Variants in C17orf78 observed in about 807,000 individuals in gnomAD.
C17orf78 encodes chromosome 17 open reading frame 78.
A neutral mutation model predicts 31.8 loss-of-function variants in C17orf78; 27 were observed. That is an observed-to-expected ratio of 0.85 (90% CI 0.63 to 1.17). The LOEUF (loss-of-function observed/expected upper bound fraction) is 1.17. Ranked by LOEUF, C17orf78 falls within the 50% of genes most tolerant of loss-of-function variation. The pLI, the probability that C17orf78 is intolerant of heterozygous loss-of-function variation, is 0.00. For missense variants in C17orf78, 258 were observed against 315.2 expected, an observed-to-expected ratio of 0.82 and a Z score of 1.37; for synonymous variants, 106 against 115.1, an observed-to-expected ratio of 0.92 and a Z score of 0.51.
At chr17:37,376,779 A>G (rs1359905425) in intron 1 of C17orf78, among the ~76,000 whole-genome samples, 1 of 152,090 alleles carries the variant, frequency 6.6e-6, no homozygotes, top group African/African-American at 2.4e-5. Context: ...ACATGGCGAA[A>G]CCCCATCTCT....
chr17:37,378,071 T>C, intron 2 of C17orf78, 106 bp downstream of exon 2: 3 of 1,053,658 alleles, frequency 2.8e-6, no homozygotes, highest in Non-Finnish European at 4.3e-6. Flanking sequence ...TCAAATATCC[T>C]ATTTTAAGGA....
rs536254921 is a variant in C17orf78, at chr17:37,392,028, A to G, written c.*304A>G. 3 of 323,254 alleles carry G rather than the reference A, an allele frequency of 9.3e-6. No homozygotes were observed. Among genetic ancestry groups the G allele is most frequent in the East Asian group, 1.0e-4 (2 of 19,852 alleles). The allele number at this position is 323,254 out of a possible 1,614,324, so 20.0% of individuals were successfully genotyped here. On this transcript the variant is annotated 3_prime_UTR_variant, in exon 7 of 7. Transcript: ENST00000615133. ...AATGGACCTTACTACTCTCTTTGAC[A>G]GAAGACTCAAACACAGCCTCTAAGA...
chr17:37,379,931 A>G (rs1202898819), intron 3 of C17orf78, among the ~76,000 whole-genome samples: 4 of 148,970 alleles, frequency 2.7e-5, no homozygotes, highest in Non-Finnish European at 4.4e-5. Context: ...CTGGGTATAT[A>G]CCCAAAGGAC....
intron 3 of C17orf78, among the ~76,000 whole-genome samples, chr17:37,381,259 C>G (rs1313375865): frequency 1.3e-5 from 2 of 152,018 alleles, no homozygotes; most frequent in African/African-American, 4.8e-5. Flanking sequence ...GATCTCGTCT[C>G]ACTGCAACCT....
intron 6 of C17orf78, among the ~76,000 whole-genome samples, chr17:37,390,282 T>C (rs4357989): frequency 0.047 from 2,372 of 50,698 alleles, 202 homozygotes; most frequent in East Asian, 0.23. Context: ...ATATATTATA[T>C]ATAATTATAT....
intron 5 of C17orf78, 65 bp downstream of exon 5, chr17:37,388,859 C>T: frequency 6.4e-7 from 1 of 1,570,538 alleles, no homozygotes; most frequent in African/African-American, 1.3e-5. Flanking sequence ...GTTCCAGAGG[C>T]AGCTTGGCAT....
intron 1 of C17orf78, 146 bp downstream of exon 1, chr17:37,376,296 A>T: frequency 1.6e-6 from 1 of 643,992 alleles, no homozygotes; most frequent in Non-Finnish European, 2.7e-6. Context: ...ACTCGCCTCT[A>T]AGAAGGACTG....
intron 3 of C17orf78, among the ~76,000 whole-genome samples, chr17:37,381,828 C>CCT (rs1313276370): frequency 6.6e-6 from 1 of 151,598 alleles, no homozygotes; most frequent in Non-Finnish European, 1.5e-5. Flanking sequence ...GGGGTTTCAC[C>CCT]GTGTTGGCCA....
rs1174863273 is a variant in C17orf78 at position 37,376,108 on chromosome 17, G to A, written c.16G>A (p.Val6Ile). The change falls in exon 1 of 7, where the codon GTC (valine) becomes ATC (isoleucine). Residue 6 changes from valine (V) to isoleucine (I), a missense_variant. Physicochemically the swap from Val to Ile is conservative, Grantham distance 29. Coordinates refer to ENST00000615133, the MANE Select transcript of C17orf78 (RefSeq NM_173625.5). MDTIL[V>I]FSLIIASYDA... is the part of the protein sequence containing the mutation. ...TCAAGCTAACATGGATACCATCTTG[G>A]TCTTCAGCCTAATCATTGCATCCTA... 8 of 1,613,106 alleles carry A rather than the reference G, an allele frequency of 5.0e-6. No homozygotes were observed. The highest frequency in any genetic ancestry group is 4.0e-5 in the African/African-American group (3 of 75,030).
Position 37,377,863 on chromosome 17 carries a change from C to T in C17orf78, c.59-16C>T. ...ACCTTCCCCGGTTCCCCTCCTCCCC[C>T]TCTGCTCACCCCCAGACCTCAGAGA... On this transcript the variant is annotated splice_polypyrimidine_tract_variant and intron_variant, in intron 1 of 6. Transcript: ENST00000615133. 1 of 1,608,880 alleles carries T rather than the reference C, an allele frequency of 6.2e-7. No individual in the cohort carries two copies. Among genetic ancestry groups the T allele is most frequent in the African/African-American group, 1.3e-5 (1 of 74,792 alleles).
intron 6 of C17orf78, among the ~76,000 whole-genome samples, chr17:37,390,330 A>ATATATATATATATATATATCTATATATC (rs1386032855): frequency 2.6e-4 from 11 of 41,578 alleles, no homozygotes; most frequent in Non-Finnish European, 4.1e-4. Context: ...ATATATATAT[A>ATATATATATATATATATATCTATATATC]TATAAAAGGC....
At chr17:37,377,357 G>T (rs1238534582) in intron 1 of C17orf78, among the ~76,000 whole-genome samples, 1 of 151,954 alleles carries the variant, frequency 6.6e-6, no homozygotes, top group Non-Finnish European at 1.5e-5. Context: ...TATGTATTTG[G>T]CTGGGTGTTC....
At chr17:37,381,774 C>T (rs916180986) in intron 3 of C17orf78, among the ~76,000 whole-genome samples, 16 of 151,770 alleles carry the variant, frequency 1.1e-4, no homozygotes, top group South Asian at 4.2e-4. Context: ...ACTACAGGCA[C>T]TCGCCACCAC....
At chr17:37,376,246 T>G (rs951090784) in intron 1 of C17orf78, 96 bp downstream of exon 1, 2 of 1,032,208 alleles carry the variant, frequency 1.9e-6, no homozygotes, top group African/African-American at 3.1e-5. Context: ...GTAGCTGATA[T>G]CCAGCAAGCA....
intron 6 of C17orf78, among the ~76,000 whole-genome samples, chr17:37,390,271 A>AATT (rs1555672194): frequency 0.052 from 2,595 of 50,206 alleles, 202 homozygotes; most frequent in East Asian, 0.21. Context: ...AATTATATAT[A>AATT]ATATATTATA....
At chr17:37,384,155 T>A (rs1403285739) in intron 3 of C17orf78, among the ~76,000 whole-genome samples, 4 of 152,086 alleles carry the variant, frequency 2.6e-5, no homozygotes. Flanking sequence ...TCCCAGACAG[T>A]CTGCATAGGA....
At chr17:37,378,753 C>A (rs1303815295) in intron 2 of C17orf78, among the ~76,000 whole-genome samples, 1 of 151,750 alleles carries the variant, frequency 6.6e-6, no homozygotes, top group East Asian at 1.9e-4. Flanking sequence ...TGCACTCTAG[C>A]CTGGACCACA....
chr17:37,383,845 T>C (rs879559535), intron 3 of C17orf78, among the ~76,000 whole-genome samples: 6 of 152,110 alleles, frequency 3.9e-5, no homozygotes, highest in Non-Finnish European at 8.8e-5. Flanking sequence ...GCCACCTCAC[T>C]TGGTCCAAAA....
rs191247875 is a variant in C17orf78 at position 37,390,450 on chromosome 17, A to C, written c.750+1088A>C. Among the ~76,000 whole-genome samples the C allele has an allele frequency of 2.8e-4, 41 of 144,060 alleles. No homozygotes were observed. The East Asian group carries it at 6.5e-3, about 23-fold the overall frequency. 94.5% of individuals were successfully genotyped at this position (144,060 alleles called of 152,430 possible). On this transcript the variant is annotated intron_variant, in intron 6 of 6. Coordinates refer to ENST00000615133, the MANE Select transcript of C17orf78 (RefSeq NM_173625.5). ...GAGACCATCCTAGCCAAAATGGTGAAACCCTGTCTCTACTAAAAATACAAA... is the reference window on the plus strand; with the variant it reads ...GAGACCATCCTAGCCAAAATGGTGACACCCTGTCTCTACTAAAAATACAAA...
Sources: gnomAD v4.1 joint callset for allele counts (sites outside exome capture counted in the v4.1 genomes callset) on GRCh38, gnomAD v4.1.1 for gene constraint, MANE v1.5 for transcripts, NCBI Gene and HGNC (gene_info 2026-07-23, HGNC 2026-07-21) for gene names.